SPATA20: variants seen among roughly 807,000 people sequenced by gnomAD.
The protein encoded by SPATA20 is spermatogenesis-associated protein 20.
A neutral mutation model predicts 98.9 loss-of-function variants in SPATA20; 74 were observed. The observed-to-expected ratio is 0.75, with a 90% CI of 0.62 to 0.91. SPATA20 has a LOEUF of 0.91. SPATA20 is among the 40% of genes least tolerant of loss of function. The probability of loss-of-function intolerance (pLI) is 0.00; values close to 1 mark genes in which losing one functional copy is unlikely to be tolerated. For missense variants in SPATA20, 1,016 were observed against 1,069.8 expected, an observed-to-expected ratio of 0.95 and a Z score of 0.70; for synonymous variants, 430 against 440.5, an observed-to-expected ratio of 0.98 and a Z score of 0.30.
intron 14 of SPATA20, among the ~76,000 whole-genome samples, 180 bp from the exon 15 acceptor site, chr17:50,554,071 G>T (rs1276703738): frequency 6.6e-6 from 1 of 152,164 alleles, no homozygotes; most frequent in Non-Finnish European, 1.5e-5. Flanking sequence ...CCATAAAAAA[G>T]ACAGCAAAGT....
In SPATA20 at chr17:50,555,691, A is replaced by ATGGATGTAGT; in HGVS notation, c.*29_*30insTGGATGTAGT. The stretch of plus-strand genomic sequence containing the variant: ...CCCCAACCCCCTTGGGGTGGGGCAG[A>ATGGATGTAGT]AGGTGAAGCATCCCAACTGACTAGA... On this transcript the variant is annotated 3_prime_UTR_variant, in exon 17 of 17. Transcript: ENST00000006658. 6.3e-6 allele frequency: 10 copies of ATGGATGTAGT among 1,592,844 alleles called. No homozygotes were observed. The highest frequency in any genetic ancestry group is 2.2e-5 in the East Asian group (1 of 44,664).
At position 50,550,161 on chromosome 17, in the gene SPATA20, G is replaced by T. The variant is rs1185695395; in HGVS notation, c.993+46G>T. The stretch of plus-strand genomic sequence containing the variant: ...CCTGGAGGGGCAGCAGGGGGCTGTG[G>T]GGTGGGGCAGAAGCTGGGACTGGCC... On this transcript the variant is annotated intron_variant, in intron 8 of 16. Transcript: ENST00000006658. The T allele has an allele frequency of 1.9e-6, 3 of 1,612,356 alleles. No homozygotes were observed. The African/African-American group carries it at 4.0e-5, about 22-fold the overall frequency.
intron 14 of SPATA20, among the ~76,000 whole-genome samples, chr17:50,552,676 C>T (rs1056072752): frequency 6.6e-6 from 1 of 151,882 alleles, no homozygotes; most frequent in Non-Finnish European, 1.5e-5. Context: ...ATTCTCCCAC[C>T]TCAGCCTCCT....
Position 50,548,352 on chromosome 17 carries a change from G to T in SPATA20, c.195G>T (p.Gly65=), listed in dbSNP as rs1475177121. The T allele has an allele frequency of 6.8e-6, 11 of 1,614,002 alleles. No individual in the cohort carries two copies. The highest frequency in any genetic ancestry group is 1.1e-5 in the South Asian group (1 of 91,086). ...VSSSVPMPAG[G]KGSHPSSTPQ... ...GTTCAGTGCCCATGCCTGCTGGAGG[G>T]AAAGGAAGCCATCCTTCATCTACAC... The change falls in exon 3 of 17, where the codon GGG becomes GGT. Residue 65 remains glycine, a synonymous_variant. Coordinates refer to ENST00000006658, the MANE Select transcript of SPATA20 (RefSeq NM_022827.4).
chr17:50,547,264 C>A lies in SPATA20; in HGVS notation c.56C>A (p.Ala19Glu). The change falls in exon 1 of 17, where the codon GCA (alanine) becomes GAA (glutamate). Residue 19 changes from alanine to glutamate, a missense_variant. Coordinates refer to ENST00000006658, the MANE Select transcript of SPATA20 (RefSeq NM_022827.4). Reference protein sequence around the residue: ...GRVLLLPRAGAGLAASRRCPG... With the variant: ...GRVLLLPRAGEGLAASRRCPG... ...GTCCTTCTGCTGCCCCGCGCCGGTGCAGGCCTCGCCGCGAGCCGCAGGTAC... is the reference window on the plus strand; with the variant it reads ...GTCCTTCTGCTGCCCCGCGCCGGTGAAGGCCTCGCCGCGAGCCGCAGGTAC... 4 of 1,387,942 alleles carry A rather than the reference C, an allele frequency of 2.9e-6. No homozygotes were observed. Among genetic ancestry groups the A allele is most frequent in the Non-Finnish European group, 3.7e-6 (4 of 1,079,998 alleles). 86.0% of individuals were successfully genotyped at this position (1,387,942 alleles called of 1,614,324 possible).
chr17:50,552,324 G>A, intron 14 of SPATA20, 144 bp downstream of exon 14: 1 of 672,058 alleles, frequency 1.5e-6, no homozygotes, highest in Non-Finnish European at 2.5e-6. Context: ...TAATATTTCT[G>A]TGTCTCAATT....
intron 12 of SPATA20, 149 bp downstream of exon 12, chr17:50,551,339 C>T (rs376509343): frequency 4.8e-5 from 55 of 1,149,618 alleles, no homozygotes; most frequent in African/African-American, 4.7e-4. Flanking sequence ...TTGAGTAACC[C>T]GCCCAAGGTC....
rs373836627 is a variant in SPATA20 at position 50,550,693 on chromosome 17, C to T, written c.1174-15C>T. 1.9e-6 allele frequency: 3 copies of T among 1,613,140 alleles called. No homozygotes were observed. The highest frequency in any genetic ancestry group is 1.3e-5 in the African/African-American group (1 of 74,936). On this transcript the variant is annotated splice_polypyrimidine_tract_variant and intron_variant, in intron 10 of 16. Transcript: ENST00000006658. ...CCCTGTGGGCCGGGGCCAGCCAACT[C>T]TCCCCTCCCCACAGTCCGGAGGCTT...
chr17:50,549,427 G>C lies in SPATA20; in HGVS notation c.802G>C (p.Asp268His), dbSNP rs1332275505. ...TVNNRCFQQLDEGYDEEYGGF... is the reference protein window; with the variant it reads ...TVNNRCFQQLHEGYDEEYGGF... ...GAACAATCGCTGCTTCCAGCAGCTG[G>C]ATGAGGGCTATGATGAGGAATACGG... Residue 268 changes from aspartate to histidine, a missense_variant, in exon 7 of 17, where the codon GAT becomes CAT. By Grantham distance (81) the Asp-to-His change is moderately conservative. Coordinates refer to ENST00000006658, the MANE Select transcript of SPATA20 (RefSeq NM_022827.4). The C allele has an allele frequency of 6.2e-7, 1 of 1,612,752 alleles. No homozygotes were observed. The highest frequency in any genetic ancestry group is 8.5e-7 in the Non-Finnish European group (1 of 1,180,016).
rs575292647 is a variant in SPATA20 at position 50,548,113 on chromosome 17, A to T, written c.126-170A>T. The T allele has an allele frequency of 1.9e-5, 29 of 1,504,154 alleles. No individual in the cohort carries two copies. In the African/African-American group the frequency reaches 3.9e-4, roughly 20 times the overall value. The allele number at this position is 1,504,154 out of a possible 1,614,324, so 93.2% of individuals were successfully genotyped here. The stretch of plus-strand genomic sequence containing the variant: ...AGCCACCTCTCCTCACCCCCCAAAA[A>T]ACATAAGGGGGAGCACAAAGGCCAC... On this transcript the variant is annotated intron_variant, in intron 2 of 16. Transcript: ENST00000006658.
intron 16 of SPATA20, 31 bp downstream of exon 16, chr17:50,555,343 C>A (rs1282337477): frequency 6.2e-7 from 1 of 1,603,278 alleles, no homozygotes; most frequent in South Asian, 1.1e-5. Flanking sequence ...AATCTGCCAC[C>A]TCCCCAGAGC....
At chr17:50,549,861 CCTGT>C in intron 7 of SPATA20, 120 bp from the exon 8 acceptor site, 1 of 1,096,538 alleles carries the variant, frequency 9.1e-7, no homozygotes. Context: ...GACCTCACAG[CCTGT>C]CCAGAGACTG....
Position 50,555,384 on chromosome 17 carries a change from C to T in SPATA20, c.2238+72C>T, listed in dbSNP as rs2144077832. ...CCTCCCATCCTCAGCTCCTCAACAT[C>T]TCCTTCCCCTCAGAATGTTGGGAAG... On this transcript the variant is annotated intron_variant, in intron 16 of 16. Transcript: ENST00000006658. 4 of 1,595,162 alleles carry T rather than the reference C, an allele frequency of 2.5e-6. No homozygotes were observed. The East Asian group carries it at 6.7e-5, about 27-fold the overall frequency.
chr17:50,551,857 A>G, intron 13 of SPATA20, 112 bp from the exon 14 acceptor site: 1 of 1,232,136 alleles, frequency 8.1e-7, no homozygotes, highest in Non-Finnish European at 1.1e-6. Context: ...GCACCTGCCC[A>G]AGAGGGTTCA....
rs371006368 is a variant in SPATA20 at position 50,550,726 on chromosome 17, G to A, written c.1192G>A (p.Ala398Thr). ...CCCACAGTCCGGAGGCTTCTATAGC[G>A]CAGAAGATGCAGACTCGCCCCCAGA... ...LSHRSGGFYSAEDADSPPERG... is the reference protein window; with the variant it reads ...LSHRSGGFYSTEDADSPPERG... The change falls in exon 11 of 17, where the codon GCA becomes ACA. Residue 398 changes from alanine to threonine, a missense_variant. By Grantham distance (58) the Ala-to-Thr change is moderately conservative. Transcript: ENST00000006658. 4.2e-5 allele frequency: 68 copies of A among 1,613,166 alleles called. No homozygotes were observed. The highest frequency in any genetic ancestry group is 5.0e-5 in the Non-Finnish European group (59 of 1,179,928).
chr17:50,548,617 A>C lies in SPATA20; in HGVS notation c.360A>C (p.Ser120=). 1.2e-6 allele frequency: 2 copies of C among 1,612,888 alleles called. No homozygotes were observed. Among genetic ancestry groups the C allele is most frequent in the Middle Eastern group, 1.6e-4 (1 of 6,062 alleles). The change falls in exon 4 of 17, where the codon TCA becomes TCC. Residue 120 remains serine, a splice_region_variant and synonymous_variant. Transcript: ENST00000006658. The part of the protein sequence containing the change: ...ARKENKPIFL[S]VGYSTCHWCH... ...AGGAAAACAAGCCGATTTTCCTCTC[A>C]GGTAATGCTCCCACCTTCCCTGATG...
intron 4 of SPATA20, 33 bp from the exon 5 acceptor site, chr17:50,548,776 TG>T: frequency 6.2e-7 from 1 of 1,600,366 alleles, no homozygotes; most frequent in Non-Finnish European, 8.5e-7. Flanking sequence ...GACCCGTTGC[TG>T]GCCCCCTGAC....
At position 50,552,167 on chromosome 17, in the gene SPATA20, G is replaced by C; in HGVS notation, c.1944G>C (p.Leu648=). 6.2e-7 allele frequency: 1 copy of C among 1,613,578 alleles called. No individual in the cohort carries two copies. The highest frequency in any genetic ancestry group is 8.5e-7 in the Non-Finnish European group (1 of 1,179,966). ...CTGAGCTGGGGGCTGGCCTGCCCCT[G>C]CGTCTGAAGGACGGTCAGTGGGGGT... ...SEAELGAGLP[L]RLKDDQDGAE... Residue 648 remains leucine (L), a synonymous_variant, in exon 14 of 17, where the codon CTG becomes CTC. Transcript: ENST00000006658.
Position 50,551,006 on chromosome 17 carries a change from G to C in SPATA20, c.1392G>C (p.Lys464Asn), listed in dbSNP as rs1567910351. The C allele has an allele frequency of 3.1e-6, 5 of 1,613,292 alleles. No individual in the cohort carries two copies. Among genetic ancestry groups the C allele is most frequent in the Non-Finnish European group, 4.2e-6 (5 of 1,179,972 alleles). Reference sequence around the variant, plus strand: ...AAGGCCATTCTCCTCAGGACCCCAAGGGGGAGCTGCAGGGCCAGAATGTGC... The same window carrying C: ...AAGGCCATTCTCCTCAGGACCCCAACGGGGAGCTGCAGGGCCAGAATGTGC... ...AGNISPSQDP[K>N]GELQGQNVLT... The change falls in exon 12 of 17, where the codon AAG becomes AAC. Residue 464 changes from lysine to asparagine, a missense_variant. Physicochemically the swap from Lys to Asn is moderately conservative, Grantham distance 94. Coordinates refer to ENST00000006658, the MANE Select transcript of SPATA20 (RefSeq NM_022827.4).
Sources: gnomAD v4.1 joint callset for allele counts (sites outside exome capture counted in the v4.1 genomes callset) on GRCh38, gnomAD v4.1.1 for gene constraint, MANE v1.5 for transcripts, NCBI Gene and HGNC (gene_info 2026-07-23, HGNC 2026-07-21) for gene names.